GRM7: variants seen among roughly 807,000 people sequenced by gnomAD.
The protein encoded by GRM7 is metabotropic glutamate receptor 7.
In GRM7, 35 loss-of-function variants were observed where a neutral mutation model predicts 84.5. The ratio of observed to expected loss-of-function variants is 0.41; its 90% confidence interval spans 0.32 to 0.55. The LOEUF (loss-of-function observed/expected upper bound fraction) is 0.55. GRM7 is among the 20% of genes least tolerant of loss of function. The pLI, the probability that GRM7 is intolerant of heterozygous loss-of-function variation, is 0.19. For missense variants in GRM7, 1,003 were observed against 1,194.6 expected, an observed-to-expected ratio of 0.84 and a Z score of 2.36; for synonymous variants, 487 against 455.1, an observed-to-expected ratio of 1.07 and a Z score of -0.89.
chr3:7,068,363 G>C (rs960603094), intron 1 of GRM7, among the ~76,000 whole-genome samples: 2 of 151,962 alleles, frequency 1.3e-5, no homozygotes, highest in African/African-American at 4.8e-5. Flanking sequence ...GAATCACATC[G>C]ATTTAAACAC....
chr3:7,291,080 C>G (rs985444800), intron 2 of GRM7, among the ~76,000 whole-genome samples: 1 of 152,084 alleles, frequency 6.6e-6, no homozygotes, highest in African/African-American at 2.4e-5. Context: ...ACCCTCTTCC[C>G]AGCATCCTCA....
chr3:7,047,065 A>T (rs934668160), intron 1 of GRM7, among the ~76,000 whole-genome samples: 2 of 152,074 alleles, frequency 1.3e-5, no homozygotes, highest in Non-Finnish European at 2.9e-5. Context: ...ATCTATAGTC[A>T]TAGTTGCAAT....
intron 3 of GRM7, among the ~76,000 whole-genome samples, chr3:7,306,161 T>A (rs1700187709): frequency 6.6e-6 from 1 of 152,164 alleles, no homozygotes; most frequent in Non-Finnish European, 1.5e-5. Flanking sequence ...ACAAACATTT[T>A]GGCCAATATG....
rs1239527998 is a variant in GRM7 at position 7,099,888 on chromosome 3, T to TGTGCAC, written c.520-46564_520-46563insGTGCAC. Among the ~76,000 whole-genome samples, 88 of 138,178 alleles carry TGTGCAC rather than the reference T, an allele frequency of 6.4e-4. 8 individuals are homozygous for TGTGCAC. The highest frequency in any genetic ancestry group is 1.7e-3 in the African/African-American group (59 of 35,396). 90.7% of individuals were successfully genotyped at this position (138,178 alleles called of 152,430 possible). Reference sequence around the variant, plus strand: ...TATGTATATGTACACGCATTATACATATATACATAGATTATACATATATAA... The same window carrying TGTGCAC: ...TATGTATATGTACACGCATTATACATGTGCACATATACATAGATTATACATATATAA... On this transcript the variant is annotated intron_variant, in intron 1 of 9. Coordinates refer to ENST00000357716, the MANE Select transcript of GRM7 (RefSeq NM_000844.4).
At chr3:7,012,034 A>T (rs1456900287) in intron 1 of GRM7, among the ~76,000 whole-genome samples, 2 of 148,782 alleles carry the variant, frequency 1.3e-5, no homozygotes, top group Non-Finnish European at 3.0e-5. Context: ...GAATCAGATT[A>T]AGCCTGCCTC....
intron 1 of GRM7, among the ~76,000 whole-genome samples, chr3:7,117,843 C>T (rs1433014779): frequency 3.3e-5 from 5 of 152,142 alleles, no homozygotes; most frequent in African/African-American, 1.2e-4. Flanking sequence ...ATTCCAGGCT[C>T]ATAGAAGTTC....
At chr3:6,892,694 C>T (rs1057153522) in intron 1 of GRM7, 2 of 152,130 alleles carry the variant, frequency 1.3e-5, no homozygotes, top group Admixed American at 6.6e-5. Flanking sequence ...CTAAACTTCA[C>T]CTCTCTTTAC....
At position 7,458,237 on chromosome 3, in the gene GRM7, T is replaced by A. The variant is rs141129125; in HGVS notation, c.1376-3346T>A. ...AATCTGTTATCTGTCCTTTACTGTC[T>A]GTTACCCATCTTGTCAGGTGACCCT... On this transcript the variant is annotated intron_variant, in intron 6 of 9. Transcript: ENST00000357716. 4.0e-3 allele frequency among the ~76,000 whole-genome samples: 614 copies of A among 152,322 alleles called. 1 individual carries two copies. The highest frequency in any genetic ancestry group is 7.1e-3 in the Non-Finnish European group (480 of 68,022).
At chr3:7,240,214 G>A (rs1409239546) in intron 2 of GRM7, among the ~76,000 whole-genome samples, 1 of 148,948 alleles carries the variant, frequency 6.7e-6, no homozygotes, top group Non-Finnish European at 1.5e-5. Flanking sequence ...GGAGGTGTGG[G>A]GCTGAAACAC....
At chr3:7,181,525 C>A (rs576577776) in intron 2 of GRM7, among the ~76,000 whole-genome samples, 1 of 152,100 alleles carries the variant, frequency 6.6e-6, no homozygotes, top group Non-Finnish European at 1.5e-5. Flanking sequence ...CAAGCTGTGA[C>A]ATTTATTAAA....
intron 1 of GRM7, among the ~76,000 whole-genome samples, chr3:6,979,507 T>G (rs1694117299): frequency 6.6e-6 from 1 of 152,140 alleles, no homozygotes. Flanking sequence ...GATTTATCTG[T>G]GAGGATCTCA....
intron 2 of GRM7, among the ~76,000 whole-genome samples, chr3:7,221,112 A>G (rs1320939536): frequency 2.0e-5 from 3 of 152,056 alleles, no homozygotes; most frequent in African/African-American, 7.3e-5. Flanking sequence ...AAACAAAACA[A>G]AAGAAAAGAA....
chr3:7,306,894 T>C (rs2125035214), intron 4 of GRM7, among the ~76,000 whole-genome samples: 1 of 152,338 alleles, frequency 6.6e-6, no homozygotes, highest in Non-Finnish European at 1.5e-5. Context: ...TTCTTTCTTT[T>C]TCATTCATGC....
chr3:7,186,935 G>A (rs1170829734), intron 2 of GRM7, among the ~76,000 whole-genome samples: 1 of 152,012 alleles, frequency 6.6e-6, no homozygotes, highest in African/African-American at 2.4e-5. Flanking sequence ...GTTAATAATT[G>A]GAGTCTGGTG....
intron 7 of GRM7, among the ~76,000 whole-genome samples, chr3:7,467,921 G>T (rs1476325146): frequency 1.3e-5 from 2 of 152,136 alleles, no homozygotes; most frequent in Non-Finnish European, 2.9e-5. Flanking sequence ...AAACTGAGGT[G>T]ATTCAAATTA....
intron 5 of GRM7, among the ~76,000 whole-genome samples, chr3:7,416,688 C>T (rs1008258424): frequency 2.6e-5 from 4 of 152,082 alleles, no homozygotes; most frequent in Non-Finnish European, 4.4e-5. Context: ...GTCAACTGGA[C>T]TATCGGATTC....
chr3:7,443,468 C>A (rs779760), intron 5 of GRM7, among the ~76,000 whole-genome samples: 107,505 of 151,906 alleles, frequency 0.71, 38,245 homozygotes, highest in Non-Finnish European at 0.74. Context: ...CACATCCCAC[C>A]TTTATTTGAT....
chr3:7,067,831 A>G (rs1383803249), intron 1 of GRM7, among the ~76,000 whole-genome samples: 4 of 151,956 alleles, frequency 2.6e-5, no homozygotes, highest in Non-Finnish European at 5.9e-5. Context: ...TTTGTACCAT[A>G]ATACCCCACC....
At chr3:7,545,826 T>C (rs908655145) in intron 7 of GRM7, among the ~76,000 whole-genome samples, 9 of 152,224 alleles carry the variant, frequency 5.9e-5, no homozygotes, top group African/African-American at 1.7e-4. Context: ...ACACTTAAAA[T>C]TTGTGTATTT....
Sources: allele counts gnomAD v4.1 joint callset (sites outside exome capture counted in the v4.1 genomes callset), GRCh38; gene constraint gnomAD v4.1.1; transcripts MANE v1.5; gene names NCBI Gene and HGNC (gene_info 2026-07-23, HGNC 2026-07-21).